The following PAH variants were observed in gnomAD, a reference collection of about 807,000 sequenced individuals.
PAH encodes phenylalanine-4-hydroxylase.
Under a neutral mutation model 62.0 loss-of-function variants are expected in PAH, and 64 were observed. The observed-to-expected ratio is 1.03, with a 90% CI of 0.84 to 1.27. The LOEUF is 1.27. Ranked by LOEUF, PAH falls within the 50% of genes most tolerant of loss-of-function variation. The pLI is 0.00. For synonymous variants in PAH, 195 were observed against 196.2 expected, an observed-to-expected ratio of 0.99 and a Z score of 0.05; for missense variants, 579 against 542.8, an observed-to-expected ratio of 1.07 and a Z score of -0.66.
At chr12:102,891,944 G>A (rs1592977144) in intron 3 of PAH, among the ~76,000 whole-genome samples, 1 of 152,194 alleles carries the variant, frequency 6.6e-6, no homozygotes, top group South Asian at 2.1e-4. Flanking sequence ...CAGGCCCTTT[G>A]TCCAAAGGGT....
At chr12:102,898,105 C>T (rs80238951) in intron 2 of PAH, among the ~76,000 whole-genome samples, 15,878 of 152,296 alleles carry the variant, frequency 0.1, 993 homozygotes, top group Non-Finnish European at 0.14. Flanking sequence ...TGTTTTCCTG[C>T]TGGAAGCACT....
intron 2 of PAH, among the ~76,000 whole-genome samples, chr12:102,895,541 A>T (rs892991541): frequency 3.3e-5 from 5 of 152,056 alleles, no homozygotes; most frequent in Admixed American, 2.0e-4. Flanking sequence ...TATCTAATAT[A>T]ATTACCACTA....
chr12:102,951,187 T>C (rs1418980535), upstream of PAH, among the ~76,000 whole-genome samples: 1 of 152,194 alleles, frequency 6.6e-6, no homozygotes, highest in East Asian at 1.9e-4. Flanking sequence ...AATTATTTAT[T>C]ATGCCGTCAC....
At chr12:102,851,519 A>T (rs1023302816) in intron 8 of PAH, among the ~76,000 whole-genome samples, 168 bp downstream of exon 8, 1 of 152,170 alleles carries the variant, frequency 6.6e-6, no homozygotes, top group Non-Finnish European at 1.5e-5. Context: ...GATCTCCGAA[A>T]TGGGTATTTA....
intron 4 of PAH, among the ~76,000 whole-genome samples, chr12:102,868,708 A>G (rs1876170848): frequency 6.6e-6 from 1 of 152,136 alleles, no homozygotes; most frequent in African/African-American, 2.4e-5. Context: ...CTTTCCAAAT[A>G]TCAGTAACAC....
intron 5 of PAH, among the ~76,000 whole-genome samples, chr12:102,858,625 C>T (rs943108169): frequency 6.6e-6 from 1 of 152,186 alleles, no homozygotes; most frequent in Non-Finnish European, 1.5e-5. Flanking sequence ...CAAACTGTCT[C>T]TCAGACCACA....
chr12:102,958,370 C>A (rs1329290573), upstream of PAH: 2 of 1,442,798 alleles, frequency 1.4e-6, no homozygotes, highest in Admixed American at 3.0e-5. Flanking sequence ...CGGCCGCAGC[C>A]GCCGCAGCGG....
chr12:102,899,253 C>T (rs1180177893), intron 2 of PAH, among the ~76,000 whole-genome samples: 6 of 152,112 alleles, frequency 3.9e-5, no homozygotes, highest in Non-Finnish European at 8.8e-5. Context: ...ATGGACACAC[C>T]TCTGGCACGC....
intron 4 of PAH, among the ~76,000 whole-genome samples, chr12:102,873,280 T>C (rs1208962805): frequency 1.3e-5 from 2 of 152,180 alleles, no homozygotes; most frequent in African/African-American, 4.8e-5. Flanking sequence ...TGGAATTTGA[T>C]TGAAGGGATG....
At chr12:102,843,879 C>T in intron 10 of PAH, 100 bp from the exon 11 acceptor site, 3 of 1,307,728 alleles carry the variant, frequency 2.3e-6, no homozygotes, top group Non-Finnish European at 3.3e-6. Context: ...TCATCTCACC[C>T]CGATTCCTTC....
At chr12:102,928,434 T>C (rs1200562820) in intron 1 of PAH, among the ~76,000 whole-genome samples, 2 of 152,146 alleles carry the variant, frequency 1.3e-5, no homozygotes, top group Non-Finnish European at 2.9e-5. Flanking sequence ...AAGCAAAATA[T>C]CAGGTATGGT....
intron 4 of PAH, among the ~76,000 whole-genome samples, chr12:102,872,332 A>G (rs1317499220): frequency 6.6e-6 from 1 of 152,074 alleles, no homozygotes; most frequent in Non-Finnish European, 1.5e-5. Context: ...TCTTTTCTGC[A>G]CTATCTTTGT....
chr12:102,924,468 T>C (rs778045390), intron 1 of PAH, among the ~76,000 whole-genome samples: 14 of 152,154 alleles, frequency 9.2e-5, no homozygotes, highest in African/African-American at 1.4e-4. Flanking sequence ...CATTTCTATA[T>C]ATCTTGGACT....
rs185881612 is a variant in PAH at position 102,868,070 on chromosome 12, A to G, written c.442-1407T>C. On this transcript the variant is annotated intron_variant, in intron 4 of 12. Transcript: ENST00000553106. ...TATATGTATATATATACACATATAT[A>G]TACATATATGTGTGTGTGTATATAT... Among the ~76,000 whole-genome samples, 18 of 115,644 alleles carry G rather than the reference A, an allele frequency of 1.6e-4. 4 individuals carry two copies. Among genetic ancestry groups the G allele is most frequent in the African/African-American group, 6.7e-4 (16 of 23,746 alleles). 75.9% of individuals were successfully genotyped at this position (115,644 alleles called of 152,430 possible).
At chr12:102,918,035 A>G (rs1592991770), upstream of PAH, among the ~76,000 whole-genome samples, 1 of 152,186 alleles carries the variant, frequency 6.6e-6, no homozygotes, top group Admixed American at 6.5e-5. Flanking sequence ...AACAAAACAG[A>G]CTCTGCCTCC....
chr12:102,924,842 C>T (rs1030925479), intron 1 of PAH, among the ~76,000 whole-genome samples: 1 of 152,096 alleles, frequency 6.6e-6, no homozygotes, highest in African/African-American at 2.4e-5. Flanking sequence ...AAATATGGAC[C>T]TCATGTTGCC....
chr12:102,856,154 T>C (rs1294623210), intron 5 of PAH, among the ~76,000 whole-genome samples: 1 of 151,186 alleles, frequency 6.6e-6, no homozygotes, highest in African/African-American at 2.5e-5. Context: ...TATAAATCCA[T>C]GCTAAGGTAT....
chr12:102,956,854 C>T (rs1357200063), intron 1 of PAH, among the ~76,000 whole-genome samples: 1 of 152,134 alleles, frequency 6.6e-6, no homozygotes, highest in Non-Finnish European at 1.5e-5. Flanking sequence ...CCCCCACACA[C>T]TTGCTCAGTT....
Position 102,843,705 on chromosome 12 carries a change from C to T in PAH, c.1140G>A (p.Thr380=), listed in dbSNP as rs373763334. ...CCACGTAATAGAGGGGCTGGAACTC[C>T]GTGACAGTGTAATTTTGGATGGCTG... is the stretch of plus-strand genomic sequence containing the variant. The part of the protein sequence containing the change: ...EKTAIQNYTV[T]EFQPLYYVAE... The change falls in exon 11 of 13, where the codon ACG becomes ACA. Residue 380 remains threonine, a synonymous_variant. Coordinates refer to ENST00000553106, the MANE Select transcript of PAH (RefSeq NM_000277.3). 91 of 1,613,640 alleles carry T rather than the reference C, an allele frequency of 5.6e-5. No homozygotes were observed. The highest frequency in any genetic ancestry group is 4.6e-4 in the South Asian group (42 of 91,072).
Sources: gnomAD v4.1 joint callset for allele counts (sites outside exome capture counted in the v4.1 genomes callset) on GRCh38, gnomAD v4.1.1 for gene constraint, MANE v1.5 for transcripts, NCBI Gene and HGNC (gene_info 2026-07-23, HGNC 2026-07-21) for gene names.